The following TAMM41 variants were observed in gnomAD, a reference collection of about 807,000 sequenced individuals.
TAMM41 encodes the protein phosphatidate cytidylyltransferase, mitochondrial.
TAMM41 carries 36 observed loss-of-function variants against 44.1 expected under a neutral mutation model. That is an observed-to-expected ratio of 0.82 (90% CI 0.63 to 1.08). The LOEUF is 1.08. TAMM41 is among the 50% of genes least tolerant of loss of function. The pLI, the probability that TAMM41 is intolerant of heterozygous loss-of-function variation, is 0.00. For synonymous variants in TAMM41, 164 were observed against 153.1 expected, an observed-to-expected ratio of 1.07 and a Z score of -0.53; for missense variants, 417 against 404.3, an observed-to-expected ratio of 1.03 and a Z score of -0.27.
the TAMM41 span, among the ~76,000 whole-genome samples, chr3:11,756,169 G>C: frequency 5.9e-5 from 9 of 152,128 alleles, no homozygotes; most frequent in Admixed American, 3.3e-4. Context: ...AAATGTTAGC[G>C]CCCCTTCTCT....
Position 11,846,631 on chromosome 3 carries a change from C to T in TAMM41, c.6G>A (p.Ala2=), listed in dbSNP as rs958733034. Residue 2 remains alanine, a synonymous_variant, in exon 1 of 8, where the codon GCG becomes GCA. Transcript: ENST00000455809. M[A]LQTLQSSWVT... ...CCCACGAGCTCTGCAGCGTCTGCAG[C>T]GCCATGGGGTCGAGGCTAACAGGGG... is the stretch of plus-strand genomic sequence containing the variant. 3 of 1,614,064 alleles carry T rather than the reference C, an allele frequency of 1.9e-6. No homozygotes were observed. In the African/African-American group the frequency reaches 4.0e-5, roughly 22 times the overall value.
chr3:11,786,623 G>A (rs550839194), downstream of TAMM41, among the ~76,000 whole-genome samples: 1 of 151,482 alleles, frequency 6.6e-6, no homozygotes, highest in East Asian at 1.9e-4. Context: ...ATTATACTTA[G>A]GGTTGTTTTC....
intron 2 of TAMM41, chr3:11,843,820 C>T: frequency 1.8e-6 from 1 of 562,526 alleles, no homozygotes; most frequent in East Asian, 2.9e-5. Context: ...CCTGCTCTGT[C>T]CCCAAGTTCA....
the TAMM41 span, among the ~76,000 whole-genome samples, chr3:11,757,006 A>G: frequency 6.6e-6 from 1 of 152,218 alleles, no homozygotes; most frequent in Admixed American, 6.5e-5. Context: ...GTGATTACAT[A>G]TGGACTGGGA....
the TAMM41 span, among the ~76,000 whole-genome samples, chr3:11,754,536 T>TAA: frequency 2.0e-5 from 3 of 150,486 alleles, no homozygotes; most frequent in African/African-American, 2.5e-5. Flanking sequence ...GGCTGATTTT[T>TAA]AAAAAAATTT....
chr3:11,824,132 A>G (rs1420602489), intron 4 of TAMM41, among the ~76,000 whole-genome samples: 3 of 150,446 alleles, frequency 2.0e-5, no homozygotes, highest in African/African-American at 4.9e-5. Context: ...CGGCCTATCC[A>G]TTGTATTTTA....
chr3:11,845,233 A>G, intron 1 of TAMM41: 1 of 331,324 alleles, frequency 3.0e-6, no homozygotes, highest in Non-Finnish European at 5.9e-6. Context: ...ATCTGAAGCC[A>G]TGGCAAGATT....
intron 7 of TAMM41, among the ~76,000 whole-genome samples, chr3:11,803,655 A>G (rs2077819642): frequency 6.6e-6 from 1 of 152,254 alleles, no homozygotes; most frequent in Non-Finnish European, 1.5e-5. Context: ...CACAATAGCA[A>G]TGATATGGAA....
chr3:11,829,036 G>A (rs1252997076), intron 4 of TAMM41, among the ~76,000 whole-genome samples: 1 of 152,128 alleles, frequency 6.6e-6, no homozygotes, highest in Non-Finnish European at 1.5e-5. Context: ...GGGCTCCTCT[G>A]GTTGCAGCGA....
the TAMM41 span, among the ~76,000 whole-genome samples, chr3:11,731,471 GGT>G: frequency 1.1e-4 from 17 of 151,964 alleles, 1 homozygote; most frequent in East Asian, 3.3e-3. Flanking sequence ...TTCCAGCCTG[GGT>G]GACGGAGACC....
At chr3:11,759,230 C>T in the TAMM41 span, among the ~76,000 whole-genome samples, 1 of 152,166 alleles carries the variant, frequency 6.6e-6, no homozygotes, top group Admixed American at 6.5e-5. Flanking sequence ...CTACTCAGCC[C>T]CACTCCGTAC....
At chr3:11,779,457 A>G in the TAMM41 span, among the ~76,000 whole-genome samples, 1 of 152,122 alleles carries the variant, frequency 6.6e-6, no homozygotes, top group Non-Finnish European at 1.5e-5. Flanking sequence ...CACACCTCTT[A>G]CCAGGCCCTA....
the TAMM41 span, among the ~76,000 whole-genome samples, chr3:11,775,517 G>A: frequency 6.6e-6 from 1 of 152,234 alleles, no homozygotes; most frequent in South Asian, 2.1e-4. Context: ...TTAGAGAGAT[G>A]TGTGTGCTGA....
chr3:11,763,861 A>G, the TAMM41 span, among the ~76,000 whole-genome samples: 2 of 152,218 alleles, frequency 1.3e-5, no homozygotes, highest in Non-Finnish European at 2.9e-5. Context: ...CATCACTGCT[A>G]TACACTAATT....
the TAMM41 span, among the ~76,000 whole-genome samples, chr3:11,750,934 C>A: frequency 6.6e-6 from 1 of 151,984 alleles, no homozygotes; most frequent in Non-Finnish European, 1.5e-5. Flanking sequence ...TTCTGGAGGG[C>A]TTTATCTGGC....
chr3:11,798,583 T>C (rs1441641006), intron 7 of TAMM41, among the ~76,000 whole-genome samples: 1 of 152,054 alleles, frequency 6.6e-6, no homozygotes, highest in Non-Finnish European at 1.5e-5. Context: ...GACAAAATAA[T>C]CTGTGTAACA....
At chr3:11,756,574 G>A in the TAMM41 span, among the ~76,000 whole-genome samples, 11 of 152,156 alleles carry the variant, frequency 7.2e-5, no homozygotes, top group South Asian at 2.1e-4. Flanking sequence ...ACAGAAATCC[G>A]GTCTTCTGGG....
At position 11,846,493 on chromosome 3, in the gene TAMM41, C is replaced by T. The variant is rs765405369; in HGVS notation, c.135+9G>A. The T allele has an allele frequency of 1.9e-6, 3 of 1,613,984 alleles. No individual in the cohort carries two copies. Among genetic ancestry groups the T allele is most frequent in the African/African-American group, 2.7e-5 (2 of 74,940 alleles). ...GACAGTTCCCCGTCGTGGGGCTGCC[C>T]GGGCTCACCTTCTGGTCTGAACTCG... On this transcript the variant is annotated intron_variant, in intron 1 of 7. Coordinates refer to ENST00000455809, the MANE Select transcript of TAMM41 (RefSeq NM_001284401.2).
At chr3:11,783,967 T>C in the TAMM41 span, among the ~76,000 whole-genome samples, 1 of 152,240 alleles carries the variant, frequency 6.6e-6, no homozygotes, top group East Asian at 1.9e-4. Context: ...TTGCTCCAAA[T>C]AGTAAGCACT....
Sources: gnomAD v4.1 joint callset for allele counts (sites outside exome capture counted in the v4.1 genomes callset) on GRCh38, gnomAD v4.1.1 for gene constraint, MANE v1.5 for transcripts, NCBI Gene and HGNC (gene_info 2026-07-23, HGNC 2026-07-21) for gene names.